The following JMJD1C variants were observed in gnomAD, a reference collection of about 807,000 sequenced individuals.
JMJD1C encodes the protein jumonji domain-containing protein 1C.
A neutral mutation model predicts 245.3 loss-of-function variants in JMJD1C; 31 were observed. The observed-to-expected ratio is 0.13, with a 90% CI of 0.09 to 0.17. JMJD1C has a LOEUF of 0.17. Among genes scored for constraint, JMJD1C ranks in the 10% least tolerant of loss-of-function variants. The pLI is 1.00. For missense variants in JMJD1C, 2,691 were observed against 3,000.2 expected (o/e 0.90, Z 2.41); for synonymous variants, 1,057 against 1,017.4 (o/e 1.04, Z -0.74).
intron 1 of JMJD1C, among the ~76,000 whole-genome samples, chr10:63,510,947 C>A (rs998177213): frequency 6.6e-6 from 1 of 152,180 alleles, no homozygotes; most frequent in Non-Finnish European, 1.5e-5. Flanking sequence ...TCCTATTTAT[C>A]CCTGATAACG....
At chr10:63,510,706 T>C (rs1300585400) in intron 1 of JMJD1C, among the ~76,000 whole-genome samples, 5 of 152,220 alleles carry the variant, frequency 3.3e-5, no homozygotes, top group Admixed American at 6.5e-5. Flanking sequence ...TTATACCCAG[T>C]TGATTGATAC....
At chr10:63,410,009 A>G (rs533487135) in intron 1 of JMJD1C, among the ~76,000 whole-genome samples, 2 of 152,230 alleles carry the variant, frequency 1.3e-5, no homozygotes, top group East Asian at 3.9e-4. Context: ...GGAAGTAATA[A>G]ATATATATTT....
intron 1 of JMJD1C, among the ~76,000 whole-genome samples, chr10:63,481,568 A>G (rs1157291515): frequency 6.6e-6 from 1 of 152,216 alleles, no homozygotes; most frequent in African/African-American, 2.4e-5. Flanking sequence ...TGAATAAACT[A>G]CAGTCAATTA....
At chr10:63,311,988 C>A (rs1181587566) in intron 2 of JMJD1C, among the ~76,000 whole-genome samples, 1 of 151,870 alleles carries the variant, frequency 6.6e-6, no homozygotes. Context: ...AAGTTATGTA[C>A]CTGTCAAAAG....
chr10:63,504,662 C>A (rs1954662467), intron 1 of JMJD1C, among the ~76,000 whole-genome samples: 1 of 152,122 alleles, frequency 6.6e-6, no homozygotes. Context: ...AGGAAAGCCA[C>A]TGGAGGGAGT....
intron 2 of JMJD1C, among the ~76,000 whole-genome samples, chr10:63,337,608 GAAAA>G (rs1386431076): frequency 1.1e-5 from 1 of 92,484 alleles, no homozygotes; most frequent in African/African-American, 6.6e-5. Flanking sequence ...GAAAAGAAAA[GAAAA>G]GAAAAGAAAA....
At chr10:63,403,664 C>T (rs1052298968) in intron 1 of JMJD1C, among the ~76,000 whole-genome samples, 9 of 152,186 alleles carry the variant, frequency 5.9e-5, no homozygotes, top group South Asian at 4.1e-4. Flanking sequence ...ACAGGCCAGG[C>T]GCAGTGGCTC....
At chr10:63,175,197 A>G (rs1842769366) in intron 24 of JMJD1C, among the ~76,000 whole-genome samples, 1 of 152,192 alleles carries the variant, frequency 6.6e-6, no homozygotes. Flanking sequence ...TTGAATACAG[A>G]TTAGCTATTT....
chr10:63,495,831 T>C (rs1247318074), intron 1 of JMJD1C, among the ~76,000 whole-genome samples: 2 of 151,636 alleles, frequency 1.3e-5, no homozygotes, highest in East Asian at 3.9e-4. Flanking sequence ...ATTTAAAGTA[T>C]ACCTCAGTGT....
In JMJD1C at chr10:63,309,284, G is replaced by C. The variant is rs112480911; in HGVS notation, c.334-44520C>G. On this transcript the variant is annotated intron_variant, in intron 2 of 25. Transcript: ENST00000399262. The stretch of plus-strand genomic sequence containing the variant: ...AAGGAAGGTGGATCACCTGAGGTCT[G>C]GAGTTTGAGACCAGCCTGGCCAACA... 7.9e-3 allele frequency among the ~76,000 whole-genome samples: 1,204 copies of C among 151,732 alleles called. 24 individuals are homozygous for C. Among genetic ancestry groups the C allele is most frequent in the African/African-American group, 0.027 (1,125 of 41,366 alleles).
intron 2 of JMJD1C, among the ~76,000 whole-genome samples, chr10:63,309,434 C>T (rs1938811665): frequency 7.9e-6 from 1 of 126,640 alleles, no homozygotes; most frequent in Non-Finnish European, 1.6e-5. Context: ...GCAGAGGTTG[C>T]AGTGAGCCAA....
At position 63,476,425 on chromosome 10, in the gene JMJD1C, T is replaced by A. The variant is rs527647435; in HGVS notation, n.113+45313A>T. ...ATACGATTTACCATAAAATGATGAC[T>A]GGCATTCAATCAAAAATTATAGGCT... On this transcript the variant is annotated intron_variant and non_coding_transcript_variant, in intron 1 of 3. Coordinates refer to the JMJD1C transcript ENST00000633035. 4.6e-5 allele frequency among the ~76,000 whole-genome samples: 7 copies of A among 152,162 alleles called. No homozygotes were observed. The South Asian group carries it at 1.5e-3, about 32-fold the overall frequency.
chr10:63,484,224 GGATGGATGGATGGATAGATA>G (rs1455624181), intron 1 of JMJD1C, among the ~76,000 whole-genome samples: 3 of 104,660 alleles, frequency 2.9e-5, no homozygotes, highest in African/African-American at 1.1e-4. Context: ...ATGGATGGAT[GGATGGATGGATGGATAGATA>G]GATAGATAGA....
At chr10:63,341,521 C>T (rs144177524) in intron 2 of JMJD1C, among the ~76,000 whole-genome samples, 152 of 152,240 alleles carry the variant, frequency 1.0e-3, no homozygotes, top group Middle Eastern at 3.4e-3. Flanking sequence ...TCCCTGTTTT[C>T]GAGGAGTGAA....
chr10:63,457,197 G>A (rs376759411), intron 1 of JMJD1C, among the ~76,000 whole-genome samples: 9 of 152,118 alleles, frequency 5.9e-5, no homozygotes, highest in Non-Finnish European at 1.0e-4. Context: ...GAATGGAGAC[G>A]GGAAAGCAGG....
At chr10:63,430,270 G>A (rs1300815680) in intron 1 of JMJD1C, among the ~76,000 whole-genome samples, 1 of 152,182 alleles carries the variant, frequency 6.6e-6, no homozygotes. Flanking sequence ...ATATCTTTGT[G>A]ACATTGAGTT....
intron 1 of JMJD1C, among the ~76,000 whole-genome samples, chr10:63,490,419 T>A (rs75446057): frequency 4.2e-5 from 3 of 71,928 alleles, no homozygotes; most frequent in African/African-American, 1.1e-4. Context: ...ATTTATTTAT[T>A]TTATTTTTTT....
At chr10:63,170,076 A>C (rs888986283) in intron 24 of JMJD1C, among the ~76,000 whole-genome samples, 2 of 152,194 alleles carry the variant, frequency 1.3e-5, no homozygotes, top group African/African-American at 4.8e-5. Context: ...AACTTTTGGT[A>C]TATCTAGCTC....
chr10:63,325,258 T>G (rs910935066), intron 2 of JMJD1C, among the ~76,000 whole-genome samples: 8 of 152,210 alleles, frequency 5.3e-5, no homozygotes, highest in Non-Finnish European at 1.2e-4. Flanking sequence ...TATTACTTGA[T>G]AAACACAAAT....
Sources: gnomAD v4.1 joint callset for allele counts (sites outside exome capture counted in the v4.1 genomes callset) on GRCh38, gnomAD v4.1.1 for gene constraint, MANE v1.5 for transcripts, NCBI Gene and HGNC (gene_info 2026-07-23, HGNC 2026-07-21) for gene names.